Variants in LSAMP observed in about 807,000 individuals in gnomAD.
The protein encoded by LSAMP is limbic system-associated membrane protein.
LSAMP carries 7 observed loss-of-function variants against 38.6 expected under a neutral mutation model. That is an observed-to-expected ratio of 0.18 (90% CI 0.10 to 0.34). LSAMP has a LOEUF of 0.34. Ranked by LOEUF, LSAMP falls within the 10% of genes least tolerant of loss-of-function variation. The pLI, the probability that LSAMP is intolerant of heterozygous loss-of-function variation, is 1.00. For synonymous variants in LSAMP, 154 were observed against 166.8 expected (o/e 0.92, Z 0.59); for missense variants, 313 against 420.0 (o/e 0.75, Z 2.23).
chr3:116,352,563 G>A (rs1321179846), intron 1 of LSAMP, among the ~76,000 whole-genome samples: 1 of 152,132 alleles, frequency 6.6e-6, no homozygotes, highest in African/African-American at 2.4e-5. Context: ...GAAGTTTTGT[G>A]CTCTAATGTG....
intron 1 of LSAMP, among the ~76,000 whole-genome samples, chr3:116,357,788 G>A (rs1576158594): frequency 6.6e-6 from 1 of 151,884 alleles, no homozygotes; most frequent in East Asian, 1.9e-4. Context: ...AACCCTAAAA[G>A]GAAGAGTCTA....
intron 1 of LSAMP, among the ~76,000 whole-genome samples, chr3:116,144,578 TA>T (rs1709449261): frequency 6.7e-6 from 1 of 148,384 alleles, no homozygotes; most frequent in Admixed American, 6.7e-5. Flanking sequence ...TTTTTTTTTG[TA>T]TTCTGCATCT....
chr3:116,103,005 C>A (rs1559743254), intron 1 of LSAMP, among the ~76,000 whole-genome samples: 1 of 151,946 alleles, frequency 6.6e-6, no homozygotes, highest in Non-Finnish European at 1.5e-5. Flanking sequence ...ATTACCCACC[C>A]CCCCAAAAAA....
chr3:115,944,833 T>G (rs1938043730), intron 3 of LSAMP, among the ~76,000 whole-genome samples: 1 of 152,152 alleles, frequency 6.6e-6, no homozygotes, highest in African/African-American at 2.4e-5. Flanking sequence ...GTATAGCGCC[T>G]CTCTCCAGTC....
At chr3:116,371,765 T>C (rs1282037522) in intron 1 of LSAMP, among the ~76,000 whole-genome samples, 3 of 152,100 alleles carry the variant, frequency 2.0e-5, no homozygotes, top group Non-Finnish European at 4.4e-5. Flanking sequence ...TGGAGATATA[T>C]GATCTTCTCT....
intron 1 of LSAMP, among the ~76,000 whole-genome samples, chr3:116,184,611 G>C (rs1026695804): frequency 6.6e-6 from 1 of 151,996 alleles, no homozygotes; most frequent in African/African-American, 2.4e-5. Context: ...AGGAGGGTTT[G>C]AAGATTGTGT....
chr3:116,003,805 C>A (rs1940070026), intron 3 of LSAMP, among the ~76,000 whole-genome samples: 1 of 152,088 alleles, frequency 6.6e-6, no homozygotes, highest in Non-Finnish European at 1.5e-5. Context: ...TTACAAGAAG[C>A]TAGAAGAAGT....
In LSAMP at chr3:115,880,031, A is replaced by G. The variant is rs571949259; in HGVS notation, c.515-27414T>C. Among the ~76,000 whole-genome samples the G allele has an allele frequency of 3.1e-3, 473 of 152,306 alleles. 7 individuals carry two copies. The highest frequency in any genetic ancestry group is 0.024 in the Admixed American group (363 of 15,286). ...AGCAAAGAAACACAAAGGTAAAAAT[A>G]AAAAGATCTTACAGATTTGAATACA... is the stretch of plus-strand genomic sequence containing the variant. On this transcript the variant is annotated intron_variant, in intron 3 of 6. Coordinates refer to ENST00000490035, the MANE Select transcript of LSAMP (RefSeq NM_002338.5).
At chr3:116,420,510 G>T (rs2049107730) in intron 1 of LSAMP, among the ~76,000 whole-genome samples, 1 of 152,120 alleles carries the variant, frequency 6.6e-6, no homozygotes, top group Non-Finnish European at 1.5e-5. Context: ...ATGATCTAAG[G>T]ACAAACTAAC....
chr3:116,009,006 C>T (rs1040201253), intron 3 of LSAMP, among the ~76,000 whole-genome samples: 9 of 152,324 alleles, frequency 5.9e-5, no homozygotes, highest in Admixed American at 3.3e-4. Flanking sequence ...TTCTGATAGT[C>T]AGAGTCCAAC....
intron 3 of LSAMP, among the ~76,000 whole-genome samples, chr3:115,930,371 C>T (rs1447282056): frequency 6.6e-6 from 1 of 152,040 alleles, no homozygotes; most frequent in Non-Finnish European, 1.5e-5. Flanking sequence ...TATCTGAGCC[C>T]CTCCTTGAGG....
intron 1 of LSAMP, among the ~76,000 whole-genome samples, chr3:116,282,359 A>G (rs1289937995): frequency 1.3e-5 from 2 of 152,246 alleles, no homozygotes; most frequent in Non-Finnish European, 2.9e-5. Context: ...TTTGAAAAAA[A>G]AAATCTGTTC....
intron 6 of LSAMP, chr3:115,816,493 T>C (rs1934022288): frequency 1.3e-5 from 7 of 524,220 alleles, no homozygotes; most frequent in South Asian, 1.3e-4. Context: ...CAGTGCTAGA[T>C]GTGTTATGGA....
intron 1 of LSAMP, among the ~76,000 whole-genome samples, chr3:116,403,352 A>C (rs1334432842): frequency 2.6e-5 from 4 of 152,218 alleles, no homozygotes; most frequent in Non-Finnish European, 5.9e-5. Flanking sequence ...CTATTTCCAT[A>C]AAAATCACTG....
intron 3 of LSAMP, among the ~76,000 whole-genome samples, chr3:115,992,428 C>A (rs1331109277): frequency 6.6e-6 from 1 of 151,974 alleles, no homozygotes; most frequent in Non-Finnish European, 1.5e-5. Context: ...TTTGAAGATA[C>A]ATGTTTGGGC....
At chr3:115,970,314 C>T (rs895719760) in intron 3 of LSAMP, among the ~76,000 whole-genome samples, 1 of 152,126 alleles carries the variant, frequency 6.6e-6, no homozygotes, top group Non-Finnish European at 1.5e-5. Context: ...ACAGAGCGAA[C>T]CCTAGGATAG....
At chr3:116,165,975 T>A (rs1710040905) in intron 1 of LSAMP, among the ~76,000 whole-genome samples, 1 of 152,214 alleles carries the variant, frequency 6.6e-6, no homozygotes, top group Admixed American at 6.5e-5. Context: ...CATATGTGTG[T>A]GTATGTGTGT....
At chr3:115,868,072 C>G in intron 3 of LSAMP, among the ~76,000 whole-genome samples, 1 of 152,076 alleles carries the variant, frequency 6.6e-6, no homozygotes, top group Non-Finnish European at 1.5e-5. Context: ...GGTCTAAGGG[C>G]TTTAGATTTA....
intron 6 of LSAMP, among the ~76,000 whole-genome samples, chr3:115,829,171 A>G (rs3772948): frequency 0.26 from 39,792 of 152,076 alleles, 6,365 homozygotes; most frequent in East Asian, 0.43. Flanking sequence ...ACAACAGTTT[A>G]GGAAACAGAG....
Sources: allele counts gnomAD v4.1 joint callset (sites outside exome capture counted in the v4.1 genomes callset), GRCh38; gene constraint gnomAD v4.1.1; transcripts MANE v1.5; gene names NCBI Gene and HGNC (gene_info 2026-07-23, HGNC 2026-07-21).